Variants in JARID2 observed in about 807,000 individuals in gnomAD.
The protein encoded by JARID2 is jumonji and AT-rich interaction domain containing 2, also known as protein Jumonji.
A neutral mutation model predicts 125.6 loss-of-function variants in JARID2; 21 were observed. The observed-to-expected ratio is 0.17, with a 90% confidence interval of 0.12 to 0.24. The LOEUF (loss-of-function observed/expected upper bound fraction) is 0.24. Ranked by LOEUF, JARID2 falls within the 10% of genes least tolerant of loss-of-function variation. JARID2 has a pLI of 1.00. For synonymous variants in JARID2, 736 were observed against 661.6 expected (o/e 1.11, Z -1.73); for missense variants, 1,303 against 1,639.6 (o/e 0.79, Z 3.55).
intron 1 of JARID2, among the ~76,000 whole-genome samples, chr6:15,371,075 C>G (rs569915566): frequency 1.4e-4 from 21 of 152,218 alleles, no homozygotes; most frequent in Non-Finnish European, 2.2e-4. Flanking sequence ...ACCCCATAAT[C>G]TGGGTCATGG....
chr6:15,367,189 T>A (rs1418599258), intron 1 of JARID2, among the ~76,000 whole-genome samples: 2 of 152,212 alleles, frequency 1.3e-5, no homozygotes, highest in East Asian at 3.9e-4. Context: ...GATAGGAAAT[T>A]AACTGTCTTC....
chr6:15,510,753 T>G (rs1771238275), intron 12 of JARID2, among the ~76,000 whole-genome samples: 1 of 152,242 alleles, frequency 6.6e-6, no homozygotes, highest in Non-Finnish European at 1.5e-5. Flanking sequence ...GGAGTTGGCC[T>G]TGAGGTGGCA....
chr6:15,316,288 G>A (rs1418313125), intron 1 of JARID2, among the ~76,000 whole-genome samples: 1 of 151,956 alleles, frequency 6.6e-6, no homozygotes, highest in Non-Finnish European at 1.5e-5. Context: ...GTAGAGACAG[G>A]GTTTTTGAAC....
intron 3 of JARID2, among the ~76,000 whole-genome samples, chr6:15,423,457 G>A (rs924544768): frequency 6.6e-6 from 1 of 152,204 alleles, no homozygotes; most frequent in African/African-American, 2.4e-5. Context: ...AGAAGGAAGA[G>A]TTTGGATGGG....
In JARID2 at chr6:15,495,857, G is replaced by A. The variant is rs189716085; in HGVS notation, c.907-275G>A. Among the ~76,000 whole-genome samples the A allele has an allele frequency of 9.7e-4, 147 of 152,312 alleles. No individual in the cohort carries two copies. In the Middle Eastern group the frequency reaches 0.01, roughly 11 times the overall value. ...AATGGGAACGTGAAAATGCACCCAG[G>A]AAACCCCGCTAGGAAGCGCCTGGGG... is the stretch of plus-strand genomic sequence containing the variant. On this transcript the variant is annotated intron_variant, in intron 6 of 17. Coordinates refer to ENST00000341776, the MANE Select transcript of JARID2 (RefSeq NM_004973.4).
intron 1 of JARID2, among the ~76,000 whole-genome samples, chr6:15,317,065 T>C (rs994198336): frequency 8.5e-5 from 13 of 152,214 alleles, no homozygotes; most frequent in African/African-American, 2.4e-4. Context: ...GGTTGTGATT[T>C]TGTGCTTCTT....
At chr6:15,263,074 T>G (rs73724801) in intron 1 of JARID2, among the ~76,000 whole-genome samples, 13 of 139,808 alleles carry the variant, frequency 9.3e-5, no homozygotes, top group South Asian at 2.3e-4. Context: ...GGGTGTGTGT[T>G]TGTGTGTGTG....
intron 1 of JARID2, chr6:15,314,822 C>T (rs1441456409): frequency 1.3e-5 from 2 of 152,104 alleles, no homozygotes; most frequent in Non-Finnish European, 1.5e-5. Context: ...GTTGGTTTCC[C>T]GACTGCTTCA....
At chr6:15,405,744 G>A (rs183683297) in intron 2 of JARID2, among the ~76,000 whole-genome samples, 6 of 152,282 alleles carry the variant, frequency 3.9e-5, no homozygotes, top group East Asian at 1.9e-4. Context: ...ATTATTTCTC[G>A]TTGACTAAAA....
At chr6:15,489,171 T>C (rs1770026634) in intron 6 of JARID2, among the ~76,000 whole-genome samples, 1 of 152,238 alleles carries the variant, frequency 6.6e-6, no homozygotes, top group Non-Finnish European at 1.5e-5. Context: ...TTTCCCAGAA[T>C]CCTAGAGTAG....
At chr6:15,329,677 A>T (rs920617592) in intron 1 of JARID2, among the ~76,000 whole-genome samples, 5 of 152,220 alleles carry the variant, frequency 3.3e-5, no homozygotes, top group African/African-American at 9.7e-5. Flanking sequence ...TCCCATTTCT[A>T]GACTGCTGAC....
At chr6:15,503,495 G>A (rs11758484) in intron 8 of JARID2, among the ~76,000 whole-genome samples, 2 of 151,940 alleles carry the variant, frequency 1.3e-5, no homozygotes, top group African/African-American at 2.4e-5. Context: ...GGGACGCTGC[G>A]GTGTCCAGTG....
At chr6:15,407,475 C>A (rs189155775) in intron 2 of JARID2, among the ~76,000 whole-genome samples, 75 of 152,266 alleles carry the variant, frequency 4.9e-4, no homozygotes, top group Middle Eastern at 3.4e-3. Flanking sequence ...TACTTACTTG[C>A]TAAATCATTT....
At chr6:15,465,529 T>G (rs1768679187) in intron 4 of JARID2, among the ~76,000 whole-genome samples, 1 of 151,356 alleles carries the variant, frequency 6.6e-6, no homozygotes, top group African/African-American at 2.4e-5. Flanking sequence ...TCCATTTTAG[T>G]TCTTTGCAAC....
intron 8 of JARID2, among the ~76,000 whole-genome samples, chr6:15,503,367 C>G (rs1044581845): frequency 6.6e-6 from 1 of 152,238 alleles, no homozygotes; most frequent in Non-Finnish European, 1.5e-5. Flanking sequence ...AGAACCCCAT[C>G]TAGTTCCTTT....
chr6:15,313,587 T>C (rs562610227), intron 1 of JARID2, among the ~76,000 whole-genome samples: 8 of 152,204 alleles, frequency 5.3e-5, no homozygotes, highest in Non-Finnish European at 1.0e-4. Context: ...GGCAGCATGC[T>C]GTCCTTGAGA....
At chr6:15,386,770 C>G (rs1400537479) in intron 2 of JARID2, among the ~76,000 whole-genome samples, 3 of 152,258 alleles carry the variant, frequency 2.0e-5, no homozygotes, top group Non-Finnish European at 2.9e-5. Flanking sequence ...GAAAGTGCCT[C>G]AAGGCCAGAG....
chr6:15,505,766 C>T (rs1173173848), intron 9 of JARID2, among the ~76,000 whole-genome samples: 3 of 152,262 alleles, frequency 2.0e-5, no homozygotes, highest in Non-Finnish European at 4.4e-5. Context: ...GTGCTGCAGC[C>T]GCCACTGCCT....
chr6:15,300,722 T>TGTGTGA (rs1246745065), intron 1 of JARID2, among the ~76,000 whole-genome samples: 3,683 of 110,752 alleles, frequency 0.033, 78 homozygotes, highest in Middle Eastern at 0.05. Flanking sequence ...TGTGTGTGTG[T>TGTGTGA]GAGAGAGAGA....
Sources: gnomAD v4.1 joint callset for allele counts (sites outside exome capture counted in the v4.1 genomes callset) on GRCh38, gnomAD v4.1.1 for gene constraint, MANE v1.5 for transcripts, NCBI Gene and HGNC (gene_info 2026-07-23, HGNC 2026-07-21) for gene names.